The following ZNF407 variants were observed in gnomAD, a reference collection of about 807,000 sequenced individuals.
ZNF407 encodes zinc finger protein 407.
ZNF407 carries 17 observed loss-of-function variants against 131.2 expected under a neutral mutation model. The observed-to-expected ratio is 0.13, with a 90% CI of 0.09 to 0.19. The LOEUF (loss-of-function observed/expected upper bound fraction) is 0.19, where lower values mean the gene tolerates loss of function less well. Among genes scored for constraint, ZNF407 ranks in the 10% least tolerant of loss-of-function variants. The pLI, the probability that ZNF407 is intolerant of heterozygous loss-of-function variation, is 1.00. For missense variants in ZNF407, 2,681 were observed against 2,830.6 expected, an observed-to-expected ratio of 0.95 and a Z score of 1.20; for synonymous variants, 1,156 against 1,062.0, an observed-to-expected ratio of 1.09 and a Z score of -1.72.
intron 4 of ZNF407, among the ~76,000 whole-genome samples, chr18:74,805,279 AT>A (rs1254562049): frequency 1.3e-5 from 2 of 152,184 alleles, no homozygotes. Context: ...CTTTGATTGC[AT>A]TTTTAAGATT....
At chr18:74,767,820 A>ATT (rs10692267) in intron 3 of ZNF407, among the ~76,000 whole-genome samples, 63,944 of 113,894 alleles carry the variant, frequency 0.56, 19,654 homozygotes, top group East Asian at 0.83. Flanking sequence ...CGCCTGGCTA[A>ATT]TTTTTTTTTT....
At chr18:74,972,279 T>G (rs1169850399) in intron 8 of ZNF407, among the ~76,000 whole-genome samples, 1 of 152,230 alleles carries the variant, frequency 6.6e-6, no homozygotes, top group Non-Finnish European at 1.5e-5. Flanking sequence ...TTTTACTGTC[T>G]GAGCCAGTGG....
At chr18:74,804,134 AT>A in intron 4 of ZNF407, 2 of 1,489,850 alleles carry the variant, frequency 1.3e-6, no homozygotes, top group Non-Finnish European at 1.8e-6. Flanking sequence ...GACATATTTC[AT>A]TGTCTTTTTT....
intron 5 of ZNF407, among the ~76,000 whole-genome samples, chr18:74,878,079 T>A (rs1742360394): frequency 1.3e-5 from 2 of 152,158 alleles, no homozygotes. Context: ...GAACTCTCAG[T>A]TGGGCCCTTG....
intron 4 of ZNF407, among the ~76,000 whole-genome samples, chr18:74,797,700 G>A (rs1404738241): frequency 2.0e-5 from 3 of 152,108 alleles, no homozygotes; most frequent in African/African-American, 4.8e-5. Context: ...AAGGTCTTTC[G>A]TATTATTAAA....
rs1353517288 is a variant in ZNF407 at position 74,889,926 on chromosome 18, C to T, written c.5137C>T (p.Pro1713Ser). ...KHRRQHTGEKPFKCDECNFAS... is the reference protein window; with the variant it reads ...KHRRQHTGEKSFKCDECNFAS... ...TTCTTGATATATTACAGGAGAAAAA[C>T]CTTTCAAGTGCGATGAGTGTAACTT... Residue 1713 changes from proline (P) to serine (S), a missense_variant, in exon 7 of 9, where the codon CCT (proline) becomes TCT (serine). By Grantham distance (74) the Pro-to-Ser change is moderately conservative. This residue lies in a region of ZNF407 where 20 missense variants were observed against 56.4 expected (regional missense o/e 0.35). Transcript: ENST00000299687. 1.2e-6 allele frequency: 2 copies of T among 1,607,332 alleles called. No individual in the cohort carries two copies. The highest frequency in any genetic ancestry group is 1.7e-6 in the Non-Finnish European group (2 of 1,176,788).
chr18:75,011,864 A>G (rs1290052559), intron 8 of ZNF407, among the ~76,000 whole-genome samples: 1 of 152,206 alleles, frequency 6.6e-6, no homozygotes, highest in African/African-American at 2.4e-5. Flanking sequence ...TGTTGAAAGT[A>G]TAAATTAGCC....
chr18:74,918,487 T>G (rs1028652906), intron 7 of ZNF407, among the ~76,000 whole-genome samples: 1 of 152,210 alleles, frequency 6.6e-6, no homozygotes, highest in Admixed American at 6.5e-5. Context: ...CTCTTTTATT[T>G]CCTCTTACAG....
intron 4 of ZNF407, among the ~76,000 whole-genome samples, chr18:74,821,643 G>A (rs1970342209): frequency 6.6e-6 from 1 of 152,094 alleles, no homozygotes; most frequent in Admixed American, 6.5e-5. Context: ...GTGTATATGT[G>A]CCACATTTTC....
rs1434260258 is a variant in ZNF407, at chr18:75,057,771, T to G, written c.5429-5379T>G. ...GCCATATTCAGGATGGTACTAAAAG[T>G]GCCATTCGTGTATTTTATGGATGTC... On this transcript the variant is annotated intron_variant, in intron 8 of 8. Transcript: ENST00000299687. Among the ~76,000 whole-genome samples the G allele has an allele frequency of 2.0e-5, 3 of 152,232 alleles. No individual in the cohort carries two copies. In the East Asian group the frequency reaches 5.8e-4, roughly 29 times the overall value.
chr18:74,755,923 T>G (rs1335823039), intron 3 of ZNF407, among the ~76,000 whole-genome samples: 2 of 123,348 alleles, frequency 1.6e-5, no homozygotes, highest in Non-Finnish European at 3.3e-5. Flanking sequence ...AGACTGAGTC[T>G]AACTCTGTTG....
chr18:74,951,932 C>G (rs1314452298), intron 8 of ZNF407, among the ~76,000 whole-genome samples: 2 of 151,562 alleles, frequency 1.3e-5, no homozygotes, highest in African/African-American at 4.8e-5. Flanking sequence ...TCTGATCGTA[C>G]TTCATAGAGC....
chr18:74,765,245 CT>C (rs1359724526), intron 3 of ZNF407, among the ~76,000 whole-genome samples: 1 of 152,018 alleles, frequency 6.6e-6, no homozygotes, highest in Non-Finnish European at 1.5e-5. Context: ...ATTTTAATAT[CT>C]TTGTTCATTC....
intron 7 of ZNF407, among the ~76,000 whole-genome samples, chr18:74,919,319 T>C (rs1172613408): frequency 6.6e-6 from 1 of 152,176 alleles, no homozygotes; most frequent in Non-Finnish European, 1.5e-5. Context: ...ATGGTATAAT[T>C]GAATATTATA....
intron 4 of ZNF407, among the ~76,000 whole-genome samples, chr18:74,858,024 C>G (rs1477279781): frequency 6.9e-6 from 1 of 144,330 alleles, no homozygotes; most frequent in African/African-American, 2.6e-5. Flanking sequence ...TCCCTTCCTT[C>G]CCTCCCACCC....
Position 74,635,819 on chromosome 18 carries a change from C to T in ZNF407, c.4687+113C>T. ...TTGGCTTTCCACCCGGTTCACATTT[C>T]ACTGCCGTGTGCTGCTCTGCTTGTC... On this transcript the variant is annotated intron_variant, in intron 2 of 8. Transcript: ENST00000299687. This position sits in a 1 kb window ranked among gnomAD's most constrained non-coding sequence, Gnocchi z 4.7. The T allele has an allele frequency of 7.1e-7, 1 of 1,404,228 alleles. No homozygotes were observed. The highest frequency in any genetic ancestry group is 9.6e-7 in the Non-Finnish European group (1 of 1,042,352). The allele number at this position is 1,404,228 out of a possible 1,614,324, so 87.0% of individuals were successfully genotyped here.
chr18:75,037,799 G>C lies in ZNF407; in HGVS notation c.5429-25351G>C, dbSNP rs116059522. Among the ~76,000 whole-genome samples the C allele has an allele frequency of 8.6e-3, 1,310 of 152,250 alleles. 24 individuals carry two copies. The highest frequency in any genetic ancestry group is 0.029 in the African/African-American group (1,216 of 41,528). ...TGTACAGAAACTCGGCAGGCCCCTT[G>C]CATGACAGTTTGGCTCAAGTGTGTT... is the stretch of plus-strand genomic sequence containing the variant. On this transcript the variant is annotated intron_variant, in intron 8 of 8. Coordinates refer to ENST00000299687, the MANE Select transcript of ZNF407 (RefSeq NM_017757.3).
chr18:74,995,827 A>G lies in ZNF407; in HGVS notation c.5429-67323A>G, dbSNP rs1047926684. Reference sequence around the variant, plus strand: ...TTTTTTCCTTAGACAACTTTGTGTTAGATCAGGGAAATCTATATGCATTCA... The same window carrying G: ...TTTTTTCCTTAGACAACTTTGTGTTGGATCAGGGAAATCTATATGCATTCA... On this transcript the variant is annotated intron_variant, in intron 8 of 8. Transcript: ENST00000299687. Among the ~76,000 whole-genome samples the G allele has an allele frequency of 3.0e-4, 46 of 152,328 alleles. 1 individual carries two copies. Among genetic ancestry groups the G allele is most frequent in the African/African-American group, 9.4e-4 (39 of 41,586 alleles).
chr18:74,972,460 A>G (rs1972483663), intron 8 of ZNF407, among the ~76,000 whole-genome samples: 1 of 152,158 alleles, frequency 6.6e-6, no homozygotes, highest in South Asian at 2.1e-4. Context: ...ATCACTGCCC[A>G]AGTGTTGAAG....
Sources: allele counts gnomAD v4.1 joint callset (sites outside exome capture counted in the v4.1 genomes callset), GRCh38; gene constraint gnomAD v4.1.1; regional missense constraint gnomAD v4.1.1; non-coding constraint Gnocchi (gnomAD v3.1); transcripts MANE v1.5; gene names NCBI Gene and HGNC (gene_info 2026-07-23, HGNC 2026-07-21).